The following OSBPL10 variants were observed in gnomAD, a reference collection of about 807,000 sequenced individuals.
OSBPL10 encodes the protein oxysterol binding protein like 10.
In OSBPL10, 49 loss-of-function variants were observed where a neutral mutation model predicts 81.7. The ratio of observed to expected loss-of-function variants is 0.60; its 90% CI spans 0.48 to 0.76. OSBPL10 has a LOEUF of 0.76. Ranked by LOEUF, OSBPL10 falls within the 30% of genes least tolerant of loss-of-function variation. The pLI is 0.00. For missense variants in OSBPL10, 923 were observed against 987.8 expected (o/e 0.93, Z 0.88); for synonymous variants, 419 against 383.6 (o/e 1.09, Z -1.08).
chr3:32,042,806 G>A (rs1243603439), intron 2 of OSBPL10, among the ~76,000 whole-genome samples: 2 of 152,178 alleles, frequency 1.3e-5, no homozygotes, highest in South Asian at 2.1e-4. Flanking sequence ...GGGCAAAAAG[G>A]AGAACAAAGA....
At chr3:31,772,769 A>C (rs544430015) in intron 4 of OSBPL10, among the ~76,000 whole-genome samples, 1 of 152,366 alleles carries the variant, frequency 6.6e-6, no homozygotes, top group Admixed American at 6.5e-5. Flanking sequence ...AAAGCACTGC[A>C]AGTATCAATG....
chr3:31,877,324 C>T (rs552539902), intron 2 of OSBPL10, among the ~76,000 whole-genome samples: 4 of 152,204 alleles, frequency 2.6e-5, no homozygotes, highest in Admixed American at 6.5e-5. Flanking sequence ...AAGATTCATA[C>T]GATTGCAAAG....
intron 7 of OSBPL10, among the ~76,000 whole-genome samples, chr3:31,688,283 TCACACACACACACACA>T (rs55643097): frequency 8.7e-6 from 1 of 115,408 alleles, no homozygotes; most frequent in Non-Finnish European, 1.8e-5. Flanking sequence ...TCTCTCTCTC[TCACACACACACACACA>T]CACACACACA....
intron 5 of OSBPL10, among the ~76,000 whole-genome samples, chr3:31,746,509 T>A (rs1697524852): frequency 6.6e-6 from 1 of 151,808 alleles, no homozygotes; most frequent in African/African-American, 2.4e-5. Flanking sequence ...AGAAACCCCA[T>A]CTCTACTAAA....
chr3:31,852,667 C>T (rs1266809760), intron 3 of OSBPL10, among the ~76,000 whole-genome samples: 1 of 152,164 alleles, frequency 6.6e-6, no homozygotes, highest in African/African-American at 2.4e-5. Context: ...CAACCTCCAA[C>T]TCCCAGGCTC....
At chr3:31,972,930 A>G (rs1399571207) in intron 1 of OSBPL10, among the ~76,000 whole-genome samples, 1 of 152,168 alleles carries the variant, frequency 6.6e-6, no homozygotes, top group Non-Finnish European at 1.5e-5. Flanking sequence ...GACCATATAT[A>G]ATGTTTCCTA....
chr3:32,037,687 TC>T, intron 2 of OSBPL10: 1 of 171,226 alleles, frequency 5.8e-6, no homozygotes, highest in South Asian at 1.4e-4. Context: ...TAAAAGAGAA[TC>T]CACTAGGCAC....
chr3:31,755,326 A>G (rs1463510200), intron 4 of OSBPL10, among the ~76,000 whole-genome samples: 1 of 152,152 alleles, frequency 6.6e-6, no homozygotes, highest in East Asian at 1.9e-4. Context: ...AAGATGTGTA[A>G]GTGTAGACAC....
rs11359502 is a variant in OSBPL10 at position 31,935,514 on chromosome 3, ATTT to A, written c.281+45382_281+45384del. Among the ~76,000 whole-genome samples the A allele has an allele frequency of 7.6e-5, 11 of 144,522 alleles. No homozygotes were observed. The South Asian group carries it at 1.1e-3, about 14-fold the overall frequency. The allele number at this position is 144,522 out of a possible 152,430, so 94.8% of individuals were successfully genotyped here. A position where few individuals can be genotyped will look rare whatever the true frequency, so the allele number is the denominator to read the frequency against. The stretch of plus-strand genomic sequence containing the variant: ...AAAAAAATCTACTCCTATGAAATAG[ATTT>A]TTTTTTTTTTTCTTTTTTTTCTTGA... On this transcript the variant is annotated intron_variant, in intron 1 of 11. Transcript: ENST00000396556.
chr3:31,912,456 T>C (rs962355947), intron 1 of OSBPL10, among the ~76,000 whole-genome samples: 2 of 151,264 alleles, frequency 1.3e-5, no homozygotes, highest in Admixed American at 1.3e-4. Flanking sequence ...CGGACATTAG[T>C]AAAGTTGAGG....
At chr3:32,019,137 C>A (rs952266613) in intron 2 of OSBPL10, among the ~76,000 whole-genome samples, 2 of 152,160 alleles carry the variant, frequency 1.3e-5, no homozygotes, top group South Asian at 2.1e-4. Context: ...ACCCACCCCC[C>A]CAAATTCCCT....
intron 1 of OSBPL10, among the ~76,000 whole-genome samples, chr3:31,929,656 G>A (rs1269558083): frequency 6.6e-6 from 1 of 151,748 alleles, no homozygotes; most frequent in Non-Finnish European, 1.5e-5. Flanking sequence ...GCTGAGGCAG[G>A]AGAATGGCGT....
intron 4 of OSBPL10, among the ~76,000 whole-genome samples, chr3:31,815,328 T>C (rs141323728): frequency 6.6e-6 from 1 of 152,254 alleles, no homozygotes; most frequent in East Asian, 1.9e-4. Context: ...GTAAGCAAAA[T>C]AAATGACTCT....
chr3:31,842,807 T>C (rs1700531575), intron 3 of OSBPL10, among the ~76,000 whole-genome samples: 2 of 152,108 alleles, frequency 1.3e-5, no homozygotes, highest in African/African-American at 2.4e-5. Flanking sequence ...CCTAATTCCA[T>C]CAAAACTGAT....
At chr3:31,879,320 C>T (rs1388813725) in intron 2 of OSBPL10, 2 of 184,288 alleles carry the variant, frequency 1.1e-5, no homozygotes, top group Non-Finnish European at 2.2e-5. Flanking sequence ...TAGCACAGCC[C>T]TCACAGGGCA....
intron 6 of OSBPL10, among the ~76,000 whole-genome samples, chr3:31,712,587 A>C (rs1696296220): frequency 1.3e-5 from 2 of 152,240 alleles, no homozygotes; most frequent in Admixed American, 1.3e-4. Context: ...AGCCTCTAGA[A>C]ACTGGAAAAG....
chr3:32,037,054 C>T (rs1287133346), intron 2 of OSBPL10, among the ~76,000 whole-genome samples: 1 of 152,192 alleles, frequency 6.6e-6, no homozygotes. Flanking sequence ...GTGACAATTA[C>T]TAGGACTTGA....
chr3:32,006,262 G>A (rs1699204762), intron 2 of OSBPL10, among the ~76,000 whole-genome samples: 1 of 152,042 alleles, frequency 6.6e-6, no homozygotes, highest in South Asian at 2.1e-4. Flanking sequence ...TTTTATTTTG[G>A]TATCCAATGA....
chr3:32,029,646 G>A (rs1332360747), intron 2 of OSBPL10, among the ~76,000 whole-genome samples: 1 of 152,140 alleles, frequency 6.6e-6, no homozygotes, highest in Non-Finnish European at 1.5e-5. Context: ...CACTGACCTA[G>A]TGTTTCCTCT....
Sources: gnomAD v4.1 joint callset for allele counts (sites outside exome capture counted in the v4.1 genomes callset) on GRCh38, gnomAD v4.1.1 for gene constraint, MANE v1.5 for transcripts, NCBI Gene and HGNC (gene_info 2026-07-23, HGNC 2026-07-21) for gene names.